Variants in PIGK observed in about 807,000 individuals in gnomAD.
The protein encoded by PIGK is phosphatidylinositol glycan anchor biosynthesis class K, also known as GPI-anchor transamidase.
PIGK carries 42 observed loss-of-function variants against 50.6 expected under a neutral mutation model. The observed-to-expected ratio is 0.83, with a 90% confidence interval of 0.65 to 1.07. The LOEUF (loss-of-function observed/expected upper bound fraction) is 1.07, where lower values mean the gene tolerates loss of function less well. PIGK is among the 50% of genes least tolerant of loss of function. The pLI, the probability that PIGK is intolerant of heterozygous loss-of-function variation, is 0.00. For synonymous variants in PIGK, 151 were observed against 156.0 expected (o/e 0.97, Z 0.24); for missense variants, 448 against 488.7 (o/e 0.92, Z 0.78).
chr1:77,120,238 A>G (rs576137980), intron 10 of PIGK, among the ~76,000 whole-genome samples: 91 of 152,302 alleles, frequency 6.0e-4, no homozygotes, highest in African/African-American at 1.8e-3. Context: ...TTATCAAGAC[A>G]GGGTCTCACT....
intron 3 of PIGK, among the ~76,000 whole-genome samples, chr1:77,174,562 G>A (rs561227066): frequency 6.6e-6 from 1 of 152,234 alleles, no homozygotes; most frequent in African/African-American, 2.4e-5. Flanking sequence ...TATACTTTTA[G>A]GGATAGCTAA....
intron 10 of PIGK, among the ~76,000 whole-genome samples, chr1:77,121,365 C>A (rs1383253671): frequency 6.6e-6 from 1 of 152,094 alleles, no homozygotes; most frequent in Non-Finnish European, 1.5e-5. Flanking sequence ...TAATTTCTCA[C>A]AGAATTGCAA....
chr1:77,169,478 T>G, intron 3 of PIGK, 83 bp from the exon 4 acceptor site: 32 of 1,068,074 alleles, frequency 3.0e-5, no homozygotes, highest in African/African-American at 5.0e-5. Flanking sequence ...ATGTAGCTAC[T>G]GTGTTCATTT....
chr1:77,140,607 G>A (rs761795053), intron 9 of PIGK, among the ~76,000 whole-genome samples: 36 of 152,046 alleles, frequency 2.4e-4, no homozygotes, highest in Non-Finnish European at 4.1e-4. Context: ...TCATGGGAAC[G>A]TCATGTACTC....
chr1:77,163,762 T>TA (rs945886570), intron 6 of PIGK, 84 bp downstream of exon 6: 13 of 740,814 alleles, frequency 1.8e-5, no homozygotes, highest in Non-Finnish European at 2.9e-5. Context: ...TTAAAAATCT[T>TA]AAAAAATAAA....
At chr1:77,161,470 C>T in intron 7 of PIGK, 65 bp from the exon 8 acceptor site, 1 of 1,072,668 alleles carries the variant, frequency 9.3e-7, no homozygotes, top group Admixed American at 1.7e-5. Context: ...TTAAATGTAA[C>T]CAAAATTTCC....
At chr1:77,187,089 C>T (rs576352340) in intron 3 of PIGK, among the ~76,000 whole-genome samples, 13 of 152,284 alleles carry the variant, frequency 8.5e-5, no homozygotes, top group East Asian at 3.9e-4. Flanking sequence ...ACTCAGTTTA[C>T]GGCTAAAGAA....
intron 3 of PIGK, among the ~76,000 whole-genome samples, chr1:77,173,514 C>T (rs1311690169): frequency 6.6e-6 from 1 of 152,128 alleles, no homozygotes; most frequent in African/African-American, 2.4e-5. Context: ...GGAAGGGGAA[C>T]CCAGAAACCT....
chr1:77,155,033 T>G (rs1654978780), intron 8 of PIGK, among the ~76,000 whole-genome samples: 1 of 152,178 alleles, frequency 6.6e-6, no homozygotes, highest in Non-Finnish European at 1.5e-5. Context: ...GCCTCTTGAT[T>G]CAAACTTCAA....
At chr1:77,113,378 C>A (rs1287663683) in intron 10 of PIGK, among the ~76,000 whole-genome samples, 5 of 151,918 alleles carry the variant, frequency 3.3e-5, no homozygotes, top group African/African-American at 2.4e-5. Flanking sequence ...ATGTGATGAA[C>A]CCTAAATTAC....
chr1:77,213,774 A>C (rs1656480520), intron 1 of PIGK, among the ~76,000 whole-genome samples: 1 of 152,158 alleles, frequency 6.6e-6, no homozygotes, highest in Non-Finnish European at 1.5e-5. Context: ...TAAAAAAATA[A>C]ACAATATCAA....
chr1:77,174,462 T>C (rs1219216366), intron 3 of PIGK, among the ~76,000 whole-genome samples: 3 of 152,248 alleles, frequency 2.0e-5, no homozygotes, highest in African/African-American at 7.2e-5. Context: ...CTGTTTTGTA[T>C]TGCTTTATCT....
chr1:77,100,038 A>T (rs1296881707), intron 10 of PIGK, among the ~76,000 whole-genome samples: 1 of 152,208 alleles, frequency 6.6e-6, no homozygotes, highest in Non-Finnish European at 1.5e-5. Flanking sequence ...TGCGAATAGT[A>T]CTCAGTTTCC....
At chr1:77,171,436 CAA>C (rs58788160) in intron 3 of PIGK, among the ~76,000 whole-genome samples, 56 of 46,880 alleles carry the variant, frequency 1.2e-3, no homozygotes, top group Middle Eastern at 0.02. Flanking sequence ...GACTCCACCT[CAA>C]AAAAAAAAAA....
chr1:77,202,775 C>A (rs1360246013), intron 3 of PIGK, among the ~76,000 whole-genome samples: 1 of 152,184 alleles, frequency 6.6e-6, no homozygotes, highest in Non-Finnish European at 1.5e-5. Flanking sequence ...GGGATCACTA[C>A]ATAAACTCAC....
At chr1:77,092,979 T>C (rs936286960) in intron 10 of PIGK, among the ~76,000 whole-genome samples, 3 of 152,080 alleles carry the variant, frequency 2.0e-5, no homozygotes, top group East Asian at 1.9e-4. Context: ...CCCAATTCCA[T>C]TCAGCTATTC....
At chr1:77,134,042 T>C (rs1441605999) in intron 9 of PIGK, among the ~76,000 whole-genome samples, 4 of 152,192 alleles carry the variant, frequency 2.6e-5, no homozygotes, top group Non-Finnish European at 4.4e-5. Context: ...TCAATCATTA[T>C]AGTATGAAAG....
chr1:77,190,106 AG>A (rs1655863277), intron 3 of PIGK, among the ~76,000 whole-genome samples: 1 of 152,002 alleles, frequency 6.6e-6, no homozygotes, highest in African/African-American at 2.4e-5. Context: ...AGCATTTAAT[AG>A]CCGGGCATAG....
chr1:77,184,539 G>C lies in PIGK; in HGVS notation c.240-15144C>G, dbSNP rs185069623. ...AAAGGGAAATGATCAGACATTTCAG[G>C]AACTACTGGACACTGGCTCTGAGCT... On this transcript the variant is annotated intron_variant, in intron 3 of 10. Coordinates refer to ENST00000370812, the MANE Select transcript of PIGK (RefSeq NM_005482.3). Among the ~76,000 whole-genome samples, 63 of 152,284 alleles carry C rather than the reference G, an allele frequency of 4.1e-4. 1 individual carries two copies. The East Asian group carries it at 6.8e-3, about 16-fold the overall frequency.
Sources: gnomAD v4.1 joint callset for allele counts (sites outside exome capture counted in the v4.1 genomes callset) on GRCh38, gnomAD v4.1.1 for gene constraint, MANE v1.5 for transcripts, NCBI Gene and HGNC (gene_info 2026-07-23, HGNC 2026-07-21) for gene names.